KSR1: variants seen among roughly 807,000 people sequenced by gnomAD.
KSR1 encodes kinase suppressor of ras.
Under a neutral mutation model 92.9 loss-of-function variants are expected in KSR1, and 35 were observed. The ratio of observed to expected loss-of-function variants is 0.38; its 90% CI spans 0.29 to 0.50. The LOEUF is 0.50. KSR1 is among the 20% of genes least tolerant of loss of function. The pLI, the probability that KSR1 is intolerant of heterozygous loss-of-function variation, is 0.94. For synonymous variants in KSR1, 467 were observed against 472.6 expected (o/e 0.99, Z 0.15); for missense variants, 972 against 1,158.5 (o/e 0.84, Z 2.34).
chr17:27,473,660 A>G (rs1472360660), intron 1 of KSR1, among the ~76,000 whole-genome samples: 1 of 152,174 alleles, frequency 6.6e-6, no homozygotes, highest in African/African-American at 2.4e-5. Context: ...TGTGATGGTG[A>G]TAGGCACAGC....
At chr17:27,496,293 C>T (rs1420123542) in intron 1 of KSR1, among the ~76,000 whole-genome samples, 1 of 152,130 alleles carries the variant, frequency 6.6e-6, no homozygotes, top group Admixed American at 6.5e-5. Flanking sequence ...TTGTTTGTCT[C>T]TAATTACACT....
chr17:27,595,795 G>A (rs1274061335), intron 9 of KSR1, among the ~76,000 whole-genome samples: 2 of 152,088 alleles, frequency 1.3e-5, no homozygotes, highest in East Asian at 3.9e-4. Flanking sequence ...GCTCGGAGCT[G>A]TGAGATGCTG....
intron 10 of KSR1, among the ~76,000 whole-genome samples, chr17:27,599,830 AT>A (rs2073483313): frequency 6.6e-6 from 1 of 152,078 alleles, no homozygotes; most frequent in East Asian, 1.9e-4. Flanking sequence ...TTTTTTTTGA[AT>A]TTTTATAAGC....
At chr17:27,472,575 G>A (rs1309660817) in intron 1 of KSR1, among the ~76,000 whole-genome samples, 3 of 152,212 alleles carry the variant, frequency 2.0e-5, no homozygotes, top group Admixed American at 6.5e-5. Flanking sequence ...TTGGGAGGCC[G>A]AGGTGGGCCG....
chr17:27,605,331 A>G, intron 13 of KSR1, 103 bp from the exon 14 acceptor site: 1 of 1,443,682 alleles, frequency 6.9e-7, no homozygotes. Context: ...CCCTGGCAGG[A>G]TGCCTCTCTC....
rs2074327306 is a variant in KSR1 at position 27,625,766 on chromosome 17, T to A, written c.*2374T>A. On this transcript the variant is annotated 3_prime_UTR_variant, in exon 21 of 21. Coordinates refer to ENST00000644974, the MANE Select transcript of KSR1 (RefSeq NM_001394583.1). Reference sequence around the variant, plus strand: ...CAACTGTGAAGGGGATGGAGAAGGCTGGGAGGGCTCGGGGAGAGCTCTTAG... The same window carrying A: ...CAACTGTGAAGGGGATGGAGAAGGCAGGGAGGGCTCGGGGAGAGCTCTTAG... 6.6e-6 allele frequency: 1 copy of A among 152,216 alleles called. No homozygotes were observed. Among genetic ancestry groups the A allele is most frequent in the Non-Finnish European group, 1.5e-5 (1 of 68,048 alleles). The allele number at this position is 152,216 out of a possible 1,614,324, so 9.4% of individuals were successfully genotyped here.
chr17:27,587,603 C>T lies in KSR1; in HGVS notation c.986-872C>T, dbSNP rs2073015621. 2.0e-5 allele frequency: 3 copies of T among 152,226 alleles called. No individual in the cohort carries two copies. The South Asian group carries it at 6.2e-4, about 32-fold the overall frequency. The allele number at this position is 152,226 out of a possible 1,614,324, so 9.4% of individuals were successfully genotyped here. ...TCTACAACATTCTACTGAACCAGTCCAGAGGGTTCCCGGACCCCCGAAGCC... is the reference window on the plus strand; with the variant it reads ...TCTACAACATTCTACTGAACCAGTCTAGAGGGTTCCCGGACCCCCGAAGCC... On this transcript the variant is annotated intron_variant, in intron 5 of 20. Coordinates refer to ENST00000644974, the MANE Select transcript of KSR1 (RefSeq NM_001394583.1).
chr17:27,485,509 G>A (rs372637127), intron 1 of KSR1, among the ~76,000 whole-genome samples: 175 of 152,326 alleles, frequency 1.1e-3, no homozygotes, highest in African/African-American at 3.9e-3. Flanking sequence ...GGGACACAGG[G>A]CTATGTCTTT....
At position 27,605,818 on chromosome 17, in the gene KSR1, C is replaced by T; in HGVS notation, c.1994+5C>T. The T allele has an allele frequency of 1.2e-6, 2 of 1,612,240 alleles. No homozygotes were observed. The highest frequency in any genetic ancestry group is 1.6e-4 in the Middle Eastern group (1 of 6,062). On this transcript the variant is annotated splice_donor_5th_base_variant and intron_variant, in intron 14 of 20. Transcript: ENST00000644974. Reference sequence around the variant, plus strand: ...CCACCTGGCCATTATCACCAGGTAACCAAGCCCTAGGACCTCATGCTGGAT... The same window carrying T: ...CCACCTGGCCATTATCACCAGGTAATCAAGCCCTAGGACCTCATGCTGGAT...
intron 1 of KSR1, among the ~76,000 whole-genome samples, chr17:27,542,690 A>G (rs2151070197): frequency 6.6e-6 from 1 of 152,332 alleles, no homozygotes; most frequent in African/African-American, 2.4e-5. Context: ...AAAAGTCTTC[A>G]TGCTCCTCCT....
At chr17:27,476,713 G>T (rs2068358568) in intron 1 of KSR1, among the ~76,000 whole-genome samples, 1 of 152,192 alleles carries the variant, frequency 6.6e-6, no homozygotes, top group South Asian at 2.1e-4. Flanking sequence ...GGATGAGGGT[G>T]GTGGCGATGA....
intron 1 of KSR1, among the ~76,000 whole-genome samples, chr17:27,494,297 C>T (rs1013159394): frequency 1.3e-5 from 2 of 151,916 alleles, no homozygotes; most frequent in Admixed American, 6.6e-5. Context: ...CCTGGAGAGG[C>T]GGGCAAGCAC....
chr17:27,570,486 C>T (rs2072263486), intron 2 of KSR1, among the ~76,000 whole-genome samples: 1 of 152,202 alleles, frequency 6.6e-6, no homozygotes, highest in Non-Finnish European at 1.5e-5. Flanking sequence ...CCCCTTTGAC[C>T]TCTATTCCTC....
chr17:27,526,730 C>T (rs1344829977), intron 1 of KSR1: 29 of 1,298,474 alleles, frequency 2.2e-5, no homozygotes, highest in African/African-American at 1.2e-4. Flanking sequence ...GGTCCTCTCA[C>T]GTGTTGGAAA....
chr17:27,564,224 C>T (rs756372918), intron 2 of KSR1, among the ~76,000 whole-genome samples: 6 of 152,056 alleles, frequency 3.9e-5, no homozygotes, highest in Non-Finnish European at 7.4e-5. Context: ...CCCCTGGCCT[C>T]AGATGATCTG....
intron 1 of KSR1, among the ~76,000 whole-genome samples, chr17:27,546,319 G>A (rs2071171823): frequency 1.3e-5 from 2 of 152,222 alleles, no homozygotes; most frequent in African/African-American, 4.8e-5. Flanking sequence ...TCTCCATGCT[G>A]TAGTTGAATA....
chr17:27,606,809 A>G (rs1029201033), intron 14 of KSR1, among the ~76,000 whole-genome samples: 1 of 151,210 alleles, frequency 6.6e-6, no homozygotes, highest in African/African-American at 2.4e-5. Flanking sequence ...AAAAAAAAGT[A>G]GTTAATGAAA....
intron 1 of KSR1, among the ~76,000 whole-genome samples, chr17:27,478,524 G>A (rs901729121): frequency 6.6e-6 from 1 of 152,126 alleles, no homozygotes; most frequent in African/African-American, 2.4e-5. Flanking sequence ...GGTGGAGTAG[G>A]GCTTTGTGCC....
chr17:27,482,603 C>T (rs1039494395), intron 1 of KSR1, among the ~76,000 whole-genome samples: 2 of 152,224 alleles, frequency 1.3e-5, no homozygotes, highest in East Asian at 3.8e-4. Context: ...CCTATACCTA[C>T]AACCTTGGGA....
Sources: allele counts gnomAD v4.1 joint callset (sites outside exome capture counted in the v4.1 genomes callset), GRCh38; gene constraint gnomAD v4.1.1; transcripts MANE v1.5; gene names NCBI Gene and HGNC (gene_info 2026-07-23, HGNC 2026-07-21).